The following PTPRN2 variants were observed in gnomAD, a reference collection of about 807,000 sequenced individuals.
PTPRN2 encodes receptor-type tyrosine-protein phosphatase N2.
A neutral mutation model predicts 118.8 loss-of-function variants in PTPRN2; 74 were observed. The observed-to-expected ratio is 0.62, with a 90% CI of 0.52 to 0.76. The LOEUF is 0.76. Ranked by LOEUF, PTPRN2 falls within the 30% of genes least tolerant of loss-of-function variation. The pLI is 0.00. For synonymous variants in PTPRN2, 641 were observed against 608.0 expected (o/e 1.05, Z -0.80); for missense variants, 1,481 against 1,394.4 (o/e 1.06, Z -0.99).
Position 158,407,210 on chromosome 7 carries a change from CCTGCGTCCT to C in PTPRN2, c.163+82516_163+82524del, listed in dbSNP as rs1176111022. ...GGGTCCTGGGTCCTGGGTCCTGGGT[CCTGCGTCCT>C]GCGTCCTGGGTCCTGGGTCCTGGGT... is the stretch of plus-strand genomic sequence containing the variant. On this transcript the variant is annotated intron_variant, in intron 2 of 22. Coordinates refer to ENST00000389418, the MANE Select transcript of PTPRN2 (RefSeq NM_002847.5). Among the ~76,000 whole-genome samples, 63 of 28,696 alleles carry C rather than the reference CCTGCGTCCT, an allele frequency of 2.2e-3. 2 individuals carry two copies. The highest frequency in any genetic ancestry group is 0.015 in the East Asian group (12 of 790). The allele number at this position is 28,696 out of a possible 152,430, so 18.8% of individuals were successfully genotyped here.
chr7:158,009,292 A>T (rs1397554122), intron 11 of PTPRN2, among the ~76,000 whole-genome samples: 8 of 152,142 alleles, frequency 5.3e-5, no homozygotes, highest in African/African-American at 1.9e-4. Context: ...AGGCACGATT[A>T]TACACAATAC....
intron 3 of PTPRN2, among the ~76,000 whole-genome samples, chr7:158,286,241 C>A (rs1050984018): frequency 7.2e-5 from 11 of 152,164 alleles, no homozygotes; most frequent in African/African-American, 2.7e-4. Flanking sequence ...TTAGCTCTAA[C>A]AGTGTTTTTG....
rs1415769199 is a variant in PTPRN2 at position 158,424,087 on chromosome 7, C to T, written c.163+65648G>A. On this transcript the variant is annotated intron_variant, in intron 2 of 22. Coordinates refer to ENST00000389418, the MANE Select transcript of PTPRN2 (RefSeq NM_002847.5). ...GGATTCCGGAACCTGCTGGACCACCCTCCAGGCGCCCAGTGATTTCTCCAG... is the reference window on the plus strand; with the variant it reads ...GGATTCCGGAACCTGCTGGACCACCTTCCAGGCGCCCAGTGATTTCTCCAG... Among the ~76,000 whole-genome samples the T allele has an allele frequency of 2.0e-5, 3 of 152,218 alleles. 1 individual carries two copies. Among genetic ancestry groups the T allele is most frequent in the Non-Finnish European group, 4.4e-5 (3 of 68,038 alleles).
chr7:158,074,905 G>A (rs1812226407), intron 11 of PTPRN2, among the ~76,000 whole-genome samples: 1 of 152,224 alleles, frequency 6.6e-6, no homozygotes, highest in African/African-American at 2.4e-5. Flanking sequence ...ACACAGAAAA[G>A]TGGCTGCTGA....
intron 6 of PTPRN2, among the ~76,000 whole-genome samples, chr7:158,161,539 A>C (rs1822355205): frequency 6.6e-6 from 1 of 152,356 alleles, no homozygotes. Context: ...ACATGTACAG[A>C]AACAATTCCA....
intron 13 of PTPRN2, among the ~76,000 whole-genome samples, chr7:157,666,593 G>A (rs559263451): frequency 5.3e-5 from 8 of 152,290 alleles, no homozygotes; most frequent in South Asian, 2.1e-4. Context: ...CGGTGTGGCC[G>A]TGTAAGGCAG....
At chr7:158,395,341 GAGGGGCC>G (rs1563239922) in intron 2 of PTPRN2, among the ~76,000 whole-genome samples, 31 of 37,710 alleles carry the variant, frequency 8.2e-4, no homozygotes, top group Non-Finnish European at 1.4e-3. Context: ...GGCGAGGCGC[GAGGGGCC>G]AGGGGCCAGG....
intron 3 of PTPRN2, among the ~76,000 whole-genome samples, chr7:158,286,060 CAT>C (rs748997132): frequency 3.3e-5 from 5 of 152,180 alleles, no homozygotes; most frequent in Non-Finnish European, 7.3e-5. Flanking sequence ...CCAGCTCTCA[CAT>C]GTTCTCCAGG....
At chr7:158,062,914 G>A (rs764128341) in intron 11 of PTPRN2, among the ~76,000 whole-genome samples, 3 of 152,232 alleles carry the variant, frequency 2.0e-5, no homozygotes, top group African/African-American at 4.8e-5. Flanking sequence ...CCTGCTCCGC[G>A]GCGCCCAGTC....
chr7:158,410,482 T>C (rs1391240806), intron 2 of PTPRN2, among the ~76,000 whole-genome samples: 2 of 152,200 alleles, frequency 1.3e-5, no homozygotes, highest in Non-Finnish European at 2.9e-5. Context: ...AGGTTTCCTC[T>C]GGCCCTGAAG....
chr7:158,530,131 G>A (rs185162322), intron 1 of PTPRN2, among the ~76,000 whole-genome samples: 5 of 152,262 alleles, frequency 3.3e-5, no homozygotes, highest in East Asian at 1.9e-4. Flanking sequence ...GTAGAATTAC[G>A]TCAGATATTT....
At chr7:158,484,069 A>G (rs1820824833) in intron 2 of PTPRN2, among the ~76,000 whole-genome samples, 1 of 152,228 alleles carries the variant, frequency 6.6e-6, no homozygotes, top group Admixed American at 6.5e-5. Context: ...ACTTGAGACT[A>G]GGAGTTCAAG....
chr7:158,547,772 C>T (rs1402135925), intron 1 of PTPRN2, among the ~76,000 whole-genome samples: 1 of 152,214 alleles, frequency 6.6e-6, no homozygotes, highest in Non-Finnish European at 1.5e-5. Flanking sequence ...CCACCGTACC[C>T]CCTGTCCACC....
At chr7:158,139,637 T>A (rs1819186727) in intron 6 of PTPRN2, among the ~76,000 whole-genome samples, 2 of 151,448 alleles carry the variant, frequency 1.3e-5, no homozygotes, top group South Asian at 4.2e-4. Context: ...TGACTTCAGC[T>A]GAGCTACTGC....
chr7:158,522,500 G>A lies in PTPRN2; in HGVS notation c.113-32715C>T, dbSNP rs567231641. Among the ~76,000 whole-genome samples, 7 of 151,208 alleles carry A rather than the reference G, an allele frequency of 4.6e-5. No individual in the cohort carries two copies. In the East Asian group the frequency reaches 1.4e-3, roughly 30 times the overall value. ...AATGGTGGACTGTTTTAAGAGGAAGGTCCACGTCAGAATGGACTGTCCAGG... is the reference window on the plus strand; with the variant it reads ...AATGGTGGACTGTTTTAAGAGGAAGATCCACGTCAGAATGGACTGTCCAGG... On this transcript the variant is annotated intron_variant, in intron 1 of 22. Coordinates refer to ENST00000389418, the MANE Select transcript of PTPRN2 (RefSeq NM_002847.5).
chr7:157,570,619 T>TCTTA (rs1411963250), intron 20 of PTPRN2, among the ~76,000 whole-genome samples: 1 of 152,190 alleles, frequency 6.6e-6, no homozygotes, highest in Non-Finnish European at 1.5e-5. Context: ...TAAAATCTAT[T>TCTTA]CTTACTGGTG....
chr7:158,259,967 C>T (rs6971920), intron 3 of PTPRN2, among the ~76,000 whole-genome samples: 47,551 of 112,498 alleles, frequency 0.42, 10,661 homozygotes, highest in African/African-American at 0.54. Context: ...TTTGTCCACG[C>T]GTCCCTTTGT....
intron 12 of PTPRN2, among the ~76,000 whole-genome samples, chr7:157,738,523 C>T (rs1156574337): frequency 1.3e-5 from 2 of 152,222 alleles, no homozygotes; most frequent in East Asian, 1.9e-4. Flanking sequence ...GGTGCTGGTC[C>T]CGGGTTGTTT....
chr7:158,147,343 C>T, intron 6 of PTPRN2, among the ~76,000 whole-genome samples: 1 of 102,150 alleles, frequency 9.8e-6, no homozygotes, highest in Admixed American at 8.7e-5. Flanking sequence ...ACCGACACCC[C>T]ATCTCACGCC....
Sources: allele counts gnomAD v4.1 joint callset (sites outside exome capture counted in the v4.1 genomes callset), GRCh38; gene constraint gnomAD v4.1.1; transcripts MANE v1.5; gene names NCBI Gene and HGNC (gene_info 2026-07-23, HGNC 2026-07-21).